The following LIMCH1 variants were observed in gnomAD, a reference collection of about 807,000 sequenced individuals.
LIMCH1 encodes LIM and calponin homology domains-containing protein 1.
In LIMCH1, 113 loss-of-function variants were observed where a neutral mutation model predicts 176.5. The ratio of observed to expected loss-of-function variants is 0.64; its 90% confidence interval spans 0.55 to 0.75. LIMCH1 has a LOEUF of 0.75. LIMCH1 is among the 30% of genes least tolerant of loss of function. LIMCH1 has a pLI of 0.00. For synonymous variants in LIMCH1, 619 were observed against 645.9 expected (o/e 0.96, Z 0.63); for missense variants, 1,674 against 1,814.9 (o/e 0.92, Z 1.41).
At chr4:41,557,943 A>G (rs1418007322) in intron 1 of LIMCH1, among the ~76,000 whole-genome samples, 1 of 151,866 alleles carries the variant, frequency 6.6e-6, no homozygotes, top group East Asian at 1.9e-4. Flanking sequence ...GCTCAACTCA[A>G]TCTCCTCTGA....
intron 21 of LIMCH1, chr4:41,670,647 G>A (rs908508315): frequency 4.4e-6 from 5 of 1,128,488 alleles, no homozygotes; most frequent in South Asian, 1.4e-5. Context: ...GTACTTGGGA[G>A]CATGGTTCTA....
At chr4:41,686,635 G>A (rs1408537471) in intron 28 of LIMCH1, among the ~76,000 whole-genome samples, 6 of 152,200 alleles carry the variant, frequency 3.9e-5, no homozygotes, top group Non-Finnish European at 8.8e-5. Flanking sequence ...ATTGGACCTT[G>A]AGCAAATTAC....
At position 41,653,877 on chromosome 4, in the gene LIMCH1, T is replaced by A. The variant is rs7679156; in HGVS notation, c.3036+3269T>A. 3.3e-4 allele frequency among the ~76,000 whole-genome samples: 51 copies of A among 152,378 alleles called. 1 individual carries two copies. The highest frequency in any genetic ancestry group is 1.2e-3 in the African/African-American group (51 of 41,584). ...AGGTCCTAAATTAAGTTAGGAATTT[T>A]AAAAAATGCTTTGTCTGTACCTCCT... On this transcript the variant is annotated intron_variant, in intron 18 of 31. Transcript: ENST00000503057.
At chr4:41,690,413 G>A (rs1245391175) in intron 30 of LIMCH1, among the ~76,000 whole-genome samples, 1 of 152,158 alleles carries the variant, frequency 6.6e-6, no homozygotes, top group Non-Finnish European at 1.5e-5. Context: ...GAGTTAACCA[G>A]TTATACCTGA....
In LIMCH1 at chr4:41,511,058, C is replaced by T. The variant is rs552999116; in HGVS notation, c.168-13351C>T. On this transcript the variant is annotated intron_variant, in intron 2 of 26. Coordinates refer to the LIMCH1 transcript ENST00000313860. ...GACTCTGCTGGGAGGCTAACATTCC[C>T]AAACATGGCTTCATCGTGACTGGTG... 2.0e-5 allele frequency among the ~76,000 whole-genome samples: 3 copies of T among 152,272 alleles called. No individual in the cohort carries two copies. The South Asian group carries it at 6.2e-4, about 32-fold the overall frequency.
At chr4:41,685,564 T>A in intron 27 of LIMCH1, 146 bp from the exon 28 acceptor site, 1 of 817,750 alleles carries the variant, frequency 1.2e-6, no homozygotes, top group East Asian at 2.9e-5. Flanking sequence ...GTGATTTAAG[T>A]GGCCTCTCTA....
intron 18 of LIMCH1, among the ~76,000 whole-genome samples, chr4:41,657,700 T>G (rs1347736298): frequency 6.6e-6 from 1 of 152,210 alleles, no homozygotes; most frequent in Non-Finnish European, 1.5e-5. Context: ...AGCATACATT[T>G]AAACTAAGCC....
intron 1 of LIMCH1, among the ~76,000 whole-genome samples, chr4:41,481,430 A>G (rs552813031): frequency 6.6e-6 from 1 of 152,322 alleles, no homozygotes; most frequent in Non-Finnish European, 1.5e-5. Context: ...CCTGATTTCC[A>G]GGACATTATT....
intron 1 of LIMCH1, among the ~76,000 whole-genome samples, chr4:41,483,242 C>A (rs1026340566): frequency 6.6e-6 from 1 of 152,022 alleles, no homozygotes; most frequent in African/African-American, 2.4e-5. Flanking sequence ...GCCTTTTGAG[C>A]TGGCAGGATA....
intron 21 of LIMCH1, among the ~76,000 whole-genome samples, chr4:41,669,938 A>G (rs910395461): frequency 6.6e-6 from 1 of 152,158 alleles, no homozygotes; most frequent in Non-Finnish European, 1.5e-5. Context: ...TCATCCATTC[A>G]TAGACTGGTC....
intron 18 of LIMCH1, among the ~76,000 whole-genome samples, chr4:41,658,051 T>C (rs2094510395): frequency 6.6e-6 from 1 of 152,160 alleles, no homozygotes; most frequent in Admixed American, 6.5e-5. Context: ...TTGGTGTGAC[T>C]CCAAGCCCAG....
chr4:41,392,944 C>T (rs2057405723), intron 1 of LIMCH1, among the ~76,000 whole-genome samples: 1 of 152,052 alleles, frequency 6.6e-6, no homozygotes, highest in African/African-American at 2.4e-5. Context: ...AGGCAGGAAT[C>T]ACTTGAATCT....
At chr4:41,626,288 T>G (rs996813926) in intron 7 of LIMCH1, among the ~76,000 whole-genome samples, 4 of 152,136 alleles carry the variant, frequency 2.6e-5, no homozygotes, top group African/African-American at 7.2e-5. Flanking sequence ...TTCCCCCAGA[T>G]CAGTTTCTTG....
chr4:41,442,092 C>G (rs944523876), intron 1 of LIMCH1, among the ~76,000 whole-genome samples: 1 of 151,878 alleles, frequency 6.6e-6, no homozygotes. Context: ...CCGAGGTGGG[C>G]AGATCAAGAC....
intron 14 of LIMCH1, among the ~76,000 whole-genome samples, chr4:41,639,846 G>A (rs2093746877): frequency 6.6e-6 from 1 of 152,122 alleles, no homozygotes; most frequent in Non-Finnish European, 1.5e-5. Flanking sequence ...TGGCCTCGTG[G>A]GAGCCTGGGC....
chr4:41,619,167 T>TACC (rs1342163655), intron 5 of LIMCH1, 21 bp from the exon 6 acceptor site: 1 of 1,611,844 alleles, frequency 6.2e-7, no homozygotes, highest in East Asian at 2.2e-5. Context: ...ACTTTCTCAG[T>TACC]ACCCATCCTC....
At chr4:41,501,659 C>G (rs916861980) in intron 2 of LIMCH1, among the ~76,000 whole-genome samples, 2 of 151,938 alleles carry the variant, frequency 1.3e-5, no homozygotes, top group African/African-American at 4.8e-5. Flanking sequence ...TATTTTGTCT[C>G]TAAAGTATAA....
At chr4:41,587,157 T>C (rs997975031) in intron 1 of LIMCH1, among the ~76,000 whole-genome samples, 3 of 152,244 alleles carry the variant, frequency 2.0e-5, no homozygotes, top group African/African-American at 7.2e-5. Flanking sequence ...CTAAAAATGA[T>C]AGTAGTAATT....
chr4:41,479,859 T>A (rs1417233373), intron 1 of LIMCH1, among the ~76,000 whole-genome samples: 1 of 152,222 alleles, frequency 6.6e-6, no homozygotes, highest in Non-Finnish European at 1.5e-5. Context: ...TATAGGAGGT[T>A]ATCACATGGG....
Sources: allele counts gnomAD v4.1 joint callset (sites outside exome capture counted in the v4.1 genomes callset), GRCh38; gene constraint gnomAD v4.1.1; transcripts MANE v1.5; gene names NCBI Gene and HGNC (gene_info 2026-07-23, HGNC 2026-07-21).